DSTN: variants seen among roughly 807,000 people sequenced by gnomAD.
DSTN encodes the protein destrin, actin depolymerizing factor.
In DSTN, 10 loss-of-function variants were observed where a neutral mutation model predicts 16.8. The ratio of observed to expected loss-of-function variants is 0.60; its 90% CI spans 0.37 to 1.01. The LOEUF (loss-of-function observed/expected upper bound fraction) is 1.01, where lower values mean the gene tolerates loss of function less well. Among genes scored for constraint, DSTN ranks in the 50% least tolerant of loss-of-function variants. DSTN has a pLI of 0.01. For missense variants in DSTN, 141 were observed against 196.7 expected, an observed-to-expected ratio of 0.72 and a Z score of 1.69; for synonymous variants, 57 against 58.9, an observed-to-expected ratio of 0.97 and a Z score of 0.14.
At chr20:17,595,332 G>A (rs1471024068) in intron 1 of DSTN, among the ~76,000 whole-genome samples, 1 of 152,092 alleles carries the variant, frequency 6.6e-6, no homozygotes, top group East Asian at 1.9e-4. Flanking sequence ...AGAGAAAATA[G>A]AATCTTTCAG....
chr20:17,591,972 T>TG (rs2035474344), intron 1 of DSTN: 1 of 985,346 alleles, frequency 1.0e-6, no homozygotes, highest in Non-Finnish European at 1.2e-6. Flanking sequence ...GTAAGAGAGC[T>TG]ACCAGCGTAT....
chr20:17,597,241 T>C (rs189737775), intron 1 of DSTN, among the ~76,000 whole-genome samples: 20 of 152,350 alleles, frequency 1.3e-4, no homozygotes, highest in Non-Finnish European at 2.6e-4. Context: ...TGTGTACTTA[T>C]GAGTTTTCTA....
At chr20:17,573,992 G>T (rs1244149965) in intron 1 of DSTN, among the ~76,000 whole-genome samples, 2 of 151,724 alleles carry the variant, frequency 1.3e-5, no homozygotes, top group Non-Finnish European at 1.5e-5. Context: ...TTGAAGCCAG[G>T]AGTTGGAGAC....
chr20:17,599,715 C>G (rs2035566197), intron 1 of DSTN: 2 of 152,232 alleles, frequency 1.3e-5, no homozygotes, highest in Non-Finnish European at 2.9e-5. Context: ...TGGGCATATA[C>G]TCCTTAGGAA....
intron 1 of DSTN, among the ~76,000 whole-genome samples, chr20:17,597,418 T>C (rs2035538212): frequency 6.6e-6 from 1 of 152,208 alleles, no homozygotes; most frequent in South Asian, 2.1e-4. Context: ...TCTTAGTGTA[T>C]CTTTCTCCCA....
intron 1 of DSTN, among the ~76,000 whole-genome samples, chr20:17,589,511 C>T (rs898781776): frequency 6.6e-6 from 1 of 152,174 alleles, no homozygotes; most frequent in African/African-American, 2.4e-5. Context: ...AGCCAAGTTC[C>T]GCATCTTAAT....
At chr20:17,596,174 CT>C (rs2035524294) in intron 1 of DSTN, among the ~76,000 whole-genome samples, 1 of 152,148 alleles carries the variant, frequency 6.6e-6, no homozygotes. Flanking sequence ...TTTCTTCCTT[CT>C]TTTTCTTCTT....
intron 1 of DSTN, among the ~76,000 whole-genome samples, chr20:17,582,159 A>T (rs1221671839): frequency 2.7e-5 from 4 of 149,794 alleles, no homozygotes; most frequent in African/African-American, 1.0e-4. Flanking sequence ...GCTCACTGCA[A>T]CCTCCGCCTC....
At chr20:17,586,609 A>G (rs1208676991) in intron 1 of DSTN, among the ~76,000 whole-genome samples, 1 of 152,250 alleles carries the variant, frequency 6.6e-6, no homozygotes, top group Non-Finnish European at 1.5e-5. Flanking sequence ...AGTTTTGATT[A>G]TCAGAGAACA....
intron 1 of DSTN, among the ~76,000 whole-genome samples, chr20:17,590,943 C>CA (rs1250115508): frequency 6.6e-6 from 1 of 152,068 alleles, no homozygotes; most frequent in Non-Finnish European, 1.5e-5. Context: ...CCTGTTTCTA[C>CA]AAAAAAGTTA....
chr20:17,607,214 A>T lies in DSTN; in HGVS notation c.*68A>T. ...ATCCTCTTGCTATATAAATAAAGCAAATATATTTAGGCCAGGGTCTCACTG... is the reference window on the plus strand; with the variant it reads ...ATCCTCTTGCTATATAAATAAAGCATATATATTTAGGCCAGGGTCTCACTG... On this transcript the variant is annotated 3_prime_UTR_variant, in exon 4 of 4. Transcript: ENST00000246069. The T allele has an allele frequency of 1.4e-6, 2 of 1,477,124 alleles. No homozygotes were observed. The highest frequency in any genetic ancestry group is 1.9e-6 in the Non-Finnish European group (2 of 1,073,148). 91.5% of individuals were successfully genotyped at this position (1,477,124 alleles called of 1,614,324 possible). A position where few individuals can be genotyped will look rare whatever the true frequency, so the allele number is the denominator to read the frequency against.
At chr20:17,595,187 G>A (rs1462231926) in intron 1 of DSTN, among the ~76,000 whole-genome samples, 3 of 152,006 alleles carry the variant, frequency 2.0e-5, no homozygotes, top group Non-Finnish European at 4.4e-5. Flanking sequence ...CCTTTTGGAG[G>A]TCCCCAGAGC....
rs959108986 is a variant in DSTN, at chr20:17,574,964, C to T, written c.3+4753C>T. 2.2e-5 allele frequency among the ~76,000 whole-genome samples: 3 copies of T among 135,090 alleles called. No homozygotes were observed. In the Admixed American group the frequency reaches 2.5e-4, roughly 11 times the overall value. The allele number at this position is 135,090 out of a possible 152,430, so 88.6% of individuals were successfully genotyped here. ...CTTGATCTCCTGGGCTCAAATGATC[C>T]TCCCACCTCAGCCTGCGGAGTAGCT... On this transcript the variant is annotated intron_variant, in intron 1 of 3. Coordinates refer to ENST00000246069, the MANE Select transcript of DSTN (RefSeq NM_006870.4).
intron 1 of DSTN, among the ~76,000 whole-genome samples, chr20:17,580,350 G>A (rs150855076): frequency 6.6e-6 from 1 of 152,202 alleles, no homozygotes; most frequent in African/African-American, 2.4e-5. Flanking sequence ...AGGGAAACAA[G>A]TTCTTTCCTC....
chr20:17,583,912 G>GT (rs1310428371), intron 1 of DSTN, among the ~76,000 whole-genome samples: 7 of 151,716 alleles, frequency 4.6e-5, no homozygotes, highest in African/African-American at 1.7e-4. Context: ...ATTTTAAAAA[G>GT]TTTTTTTGTC....
intron 3 of DSTN, chr20:17,605,279 C>G (rs909688230): frequency 4.8e-6 from 2 of 414,572 alleles, no homozygotes; most frequent in African/African-American, 4.1e-5. Context: ...CGAAGCCTGT[C>G]TAACTGCTGT....
intron 1 of DSTN, 91 bp downstream of exon 1, chr20:17,570,302 C>T (rs1195038942): frequency 2.2e-6 from 3 of 1,370,328 alleles, no homozygotes; most frequent in African/African-American, 1.5e-5. Context: ...GGGGGTGAGC[C>T]GTGCCTCAGC....
intron 1 of DSTN, among the ~76,000 whole-genome samples, chr20:17,575,753 C>G (rs1005844397): frequency 6.6e-6 from 1 of 152,108 alleles, no homozygotes; most frequent in Non-Finnish European, 1.5e-5. Flanking sequence ...GTCTTGAACT[C>G]CTGGGCTCAA....
Position 17,608,237 on chromosome 20 carries a change from G to C in DSTN, c.*1091G>C, listed in dbSNP as rs1040447715. On this transcript the variant is annotated 3_prime_UTR_variant, in exon 4 of 4. Coordinates refer to ENST00000246069, the MANE Select transcript of DSTN (RefSeq NM_006870.4). Reference sequence around the variant, plus strand: ...TTTATGTAATAAAGGAAGCATTTTTGACTTACCTCTCGTGTAATTTTCATG... The same window carrying C: ...TTTATGTAATAAAGGAAGCATTTTTCACTTACCTCTCGTGTAATTTTCATG... 1 of 152,118 alleles carries C rather than the reference G, an allele frequency of 6.6e-6. No individual in the cohort carries two copies. The highest frequency in any genetic ancestry group is 1.5e-5 in the Non-Finnish European group (1 of 68,034). 9.4% of individuals were successfully genotyped at this position (152,118 alleles called of 1,614,324 possible). A position where few individuals can be genotyped will look rare whatever the true frequency, so the allele number is the denominator to read the frequency against.
Sources: allele counts gnomAD v4.1 joint callset (sites outside exome capture counted in the v4.1 genomes callset), GRCh38; gene constraint gnomAD v4.1.1; transcripts MANE v1.5; gene names NCBI Gene and HGNC (gene_info 2026-07-23, HGNC 2026-07-21).